DTNBP1: variants seen among roughly 807,000 people sequenced by gnomAD.
DTNBP1 encodes dysbindin.
In DTNBP1, 35 loss-of-function variants were observed where a neutral mutation model predicts 42.8. That is an observed-to-expected ratio of 0.82 (90% CI 0.63 to 1.09). The LOEUF is 1.09. Ranked by LOEUF, DTNBP1 falls within the 50% of genes least tolerant of loss-of-function variation. The probability of loss-of-function intolerance (pLI) is 0.00; values close to 1 mark genes in which losing one functional copy is unlikely to be tolerated. For missense variants in DTNBP1, 457 were observed against 424.2 expected, an observed-to-expected ratio of 1.08 and a Z score of -0.68; for synonymous variants, 171 against 162.2, an observed-to-expected ratio of 1.05 and a Z score of -0.41.
At chr6:15,636,639 T>C (rs1760043165) in intron 4 of DTNBP1, among the ~76,000 whole-genome samples, 4 of 152,198 alleles carry the variant, frequency 2.6e-5, no homozygotes, top group Admixed American at 2.6e-4. Context: ...TCCCCCTAGC[T>C]TAAGCTTTCA....
chr6:15,618,202 T>A (rs541493233), intron 5 of DTNBP1, among the ~76,000 whole-genome samples: 58 of 152,100 alleles, frequency 3.8e-4, no homozygotes, highest in African/African-American at 1.3e-3. Flanking sequence ...GCAAATGAAC[T>A]GAATAGACAT....
intron 8 of DTNBP1, among the ~76,000 whole-genome samples, chr6:15,531,077 T>C (rs1772786871): frequency 6.6e-6 from 1 of 152,092 alleles, no homozygotes; most frequent in Non-Finnish European, 1.5e-5. Flanking sequence ...TCCACCCTAC[T>C]GTTGGCCACG....
chr6:15,662,669 G>C (rs1761717021), intron 1 of DTNBP1, 145 bp downstream of exon 1: 2 of 1,243,720 alleles, frequency 1.6e-6, no homozygotes, highest in Admixed American at 2.0e-5. Flanking sequence ...CGGGAAGTTC[G>C]TTACTTTCCT....
chr6:15,629,827 TAAG>T (rs981873592), intron 4 of DTNBP1, among the ~76,000 whole-genome samples: 1 of 152,118 alleles, frequency 6.6e-6, no homozygotes, highest in African/African-American at 2.4e-5. Flanking sequence ...AATTTGACAG[TAAG>T]CCTATGCCCT....
intron 9 of DTNBP1, 125 bp downstream of exon 9, chr6:15,524,401 G>GA: frequency 6.2e-7 from 1 of 1,614,188 alleles, no homozygotes; most frequent in Non-Finnish European, 8.5e-7. Flanking sequence ...TAGGGAGCCA[G>GA]GAGCTGGCTG....
At chr6:15,604,992 G>A (rs1757955496) in intron 6 of DTNBP1, among the ~76,000 whole-genome samples, 1 of 152,104 alleles carries the variant, frequency 6.6e-6, no homozygotes, top group East Asian at 1.9e-4. Context: ...AGCAGGTTTC[G>A]AGTCCAACAG....
At position 15,581,583 on chromosome 6, in the gene DTNBP1, C is replaced by T. The variant is rs575477521; in HGVS notation, c.511+11476G>A. Among the ~76,000 whole-genome samples the T allele has an allele frequency of 4.0e-5, 6 of 148,216 alleles. No homozygotes were observed. The South Asian group carries it at 1.3e-3, about 32-fold the overall frequency. On this transcript the variant is annotated intron_variant, in intron 7 of 9. Transcript: ENST00000344537. ...GCAACCTCTGCCTCCCAGGTTCAAGCACTTCTCCTGTCTCAGCCTCCAGAG... is the reference window on the plus strand; with the variant it reads ...GCAACCTCTGCCTCCCAGGTTCAAGTACTTCTCCTGTCTCAGCCTCCAGAG...
chr6:15,643,685 T>C (rs1177708946), intron 3 of DTNBP1, among the ~76,000 whole-genome samples: 1 of 152,116 alleles, frequency 6.6e-6, no homozygotes, highest in East Asian at 1.9e-4. Flanking sequence ...ATCCTGTTCA[T>C]CTAAGCTTCA....
chr6:15,637,616 T>G, intron 4 of DTNBP1, 128 bp downstream of exon 4: 1 of 991,984 alleles, frequency 1.0e-6, no homozygotes, highest in Non-Finnish European at 1.6e-6. Context: ...AATCAACGAC[T>G]AGATTCAATT....
intron 6 of DTNBP1, among the ~76,000 whole-genome samples, chr6:15,593,850 G>A (rs1776396654): frequency 6.6e-6 from 1 of 152,114 alleles, no homozygotes; most frequent in Non-Finnish European, 1.5e-5. Flanking sequence ...GTTAAAATAT[G>A]AGACATTTAT....
intron 5 of DTNBP1, among the ~76,000 whole-genome samples, chr6:15,625,125 T>C (rs1759265351): frequency 6.6e-6 from 1 of 152,222 alleles, no homozygotes; most frequent in African/African-American, 2.4e-5. Flanking sequence ...AGTTTTGATA[T>C]GCTATCTTCC....
chr6:15,656,352 A>C, intron 1 of DTNBP1, among the ~76,000 whole-genome samples: 1 of 152,234 alleles, frequency 6.6e-6, no homozygotes. Flanking sequence ...GACAACTTTC[A>C]AGTTCAAAGC....
At position 15,528,340 on chromosome 6, in the gene DTNBP1, G is replaced by T. The variant is rs576872925; in HGVS notation, c.668-3671C>A. On this transcript the variant is annotated intron_variant, in intron 8 of 9. Transcript: ENST00000344537. ...CCTGGGTAGTGTGGGGTGTTTAACT[G>T]CATCCCTGGCCTCTGCCCACTAGAT... Among the ~76,000 whole-genome samples the T allele has an allele frequency of 1.9e-3, 292 of 152,186 alleles. 4 individuals are homozygous for T. In the Middle Eastern group the frequency reaches 0.024, roughly 12 times the overall value.
At chr6:15,545,596 G>GTT (rs147001569) in intron 7 of DTNBP1, among the ~76,000 whole-genome samples, 2 of 151,984 alleles carry the variant, frequency 1.3e-5, no homozygotes, top group Admixed American at 1.3e-4. Flanking sequence ...AATAATGGCA[G>GTT]TTTTTTTGCA....
intron 2 of DTNBP1, 45 bp from the exon 3 acceptor site, chr6:15,651,408 A>G (rs757155905): frequency 1.7e-5 from 27 of 1,606,832 alleles, no homozygotes; most frequent in Middle Eastern, 2.2e-4. Flanking sequence ...GATTTAGCCA[A>G]CTGAAAAAAA....
At chr6:15,601,723 G>A (rs1776736520) in intron 6 of DTNBP1, among the ~76,000 whole-genome samples, 1 of 151,878 alleles carries the variant, frequency 6.6e-6, no homozygotes, top group African/African-American at 2.4e-5. Flanking sequence ...GCGCATGCCT[G>A]TAATTCCAGC....
intron 7 of DTNBP1, among the ~76,000 whole-genome samples, chr6:15,562,137 G>A (rs898851599): frequency 1.3e-5 from 2 of 152,146 alleles, no homozygotes; most frequent in Non-Finnish European, 2.9e-5. Context: ...AGTCCTCGGG[G>A]CTGCTATGTC....
chr6:15,611,485 A>G (rs1758398179), intron 6 of DTNBP1, among the ~76,000 whole-genome samples: 1 of 152,236 alleles, frequency 6.6e-6, no homozygotes, highest in South Asian at 2.1e-4. Flanking sequence ...GAGTCATTTC[A>G]ACTTTCAAGT....
At chr6:15,560,386 G>T (rs1257848562) in intron 7 of DTNBP1, among the ~76,000 whole-genome samples, 2 of 152,080 alleles carry the variant, frequency 1.3e-5, no homozygotes, top group African/African-American at 4.8e-5. Flanking sequence ...CACCAATTGG[G>T]TAAAGTGTAC....
Sources: gnomAD v4.1 joint callset for allele counts (sites outside exome capture counted in the v4.1 genomes callset) on GRCh38, gnomAD v4.1.1 for gene constraint, MANE v1.5 for transcripts, NCBI Gene and HGNC (gene_info 2026-07-23, HGNC 2026-07-21) for gene names.